The following ROBO2 variants were observed in gnomAD, a reference collection of about 807,000 sequenced individuals.
ROBO2 encodes the protein roundabout guidance receptor 2.
ROBO2 carries 53 observed loss-of-function variants against 160.8 expected under a neutral mutation model. The observed-to-expected ratio is 0.33, with a 90% CI of 0.26 to 0.41. The LOEUF is 0.41. Among genes scored for constraint, ROBO2 ranks in the 10% least tolerant of loss-of-function variants. The pLI is 1.00. For missense variants in ROBO2, 1,577 were observed against 1,722.4 expected (o/e 0.92, Z 1.49); for synonymous variants, 664 against 611.7 (o/e 1.09, Z -1.26).
chr3:76,988,447 T>G (rs1232595905), intron 2 of ROBO2, among the ~76,000 whole-genome samples: 1 of 152,032 alleles, frequency 6.6e-6, no homozygotes, highest in African/African-American at 2.4e-5. Context: ...ATTGTGGGAG[T>G]TTGGGCTGTA....
intron 2 of ROBO2, among the ~76,000 whole-genome samples, chr3:76,927,077 G>A (rs1197645848): frequency 6.6e-6 from 1 of 152,142 alleles, no homozygotes; most frequent in Admixed American, 6.5e-5. Context: ...CAGTATTTAA[G>A]AGGGAATTGC....
At chr3:76,838,733 A>C (rs1284249697) in intron 2 of ROBO2, among the ~76,000 whole-genome samples, 2 of 152,116 alleles carry the variant, frequency 1.3e-5, no homozygotes, top group Non-Finnish European at 2.9e-5. Context: ...ATTCATTGTA[A>C]GGGCTCCGAA....
intron 2 of ROBO2, among the ~76,000 whole-genome samples, chr3:76,567,654 C>CACACAT (rs2084647591): frequency 9.6e-5 from 4 of 41,636 alleles, no homozygotes; most frequent in African/African-American, 3.3e-4. Context: ...TATATATATA[C>CACACAT]ACATACACAT....
chr3:76,153,240 A>G (rs1014546217), intron 2 of ROBO2, among the ~76,000 whole-genome samples: 67 of 152,298 alleles, frequency 4.4e-4, no homozygotes, highest in Non-Finnish European at 8.1e-4. Flanking sequence ...AGCAAGCTGC[A>G]TCCCAGAGAG....
chr3:75,934,692 T>G (rs539356963), intron 1 of ROBO2, among the ~76,000 whole-genome samples: 1 of 152,180 alleles, frequency 6.6e-6, no homozygotes. Context: ...TACATTTTTT[T>G]AAATTATAAT....
chr3:76,637,642 C>T (rs2090414586), intron 2 of ROBO2, among the ~76,000 whole-genome samples: 1 of 152,118 alleles, frequency 6.6e-6, no homozygotes, highest in Non-Finnish European at 1.5e-5. Flanking sequence ...GGCACATACA[C>T]TGTTTTATAT....
intron 2 of ROBO2, among the ~76,000 whole-genome samples, chr3:77,115,446 A>G (rs555510151): frequency 2.6e-5 from 4 of 152,304 alleles, no homozygotes; most frequent in Admixed American, 2.6e-4. Flanking sequence ...ATATTTTATA[A>G]CACCTCTGTA....
intron 2 of ROBO2, among the ~76,000 whole-genome samples, chr3:77,124,095 G>GCC (rs2075085777): frequency 6.6e-6 from 1 of 151,814 alleles, no homozygotes; most frequent in Admixed American, 6.6e-5. Context: ...AAATCCCAGT[G>GCC]CCCAGTGTCT....
At chr3:77,115,565 C>G (rs1389548099) in intron 2 of ROBO2, among the ~76,000 whole-genome samples, 1 of 152,098 alleles carries the variant, frequency 6.6e-6, no homozygotes, top group Non-Finnish European at 1.5e-5. Context: ...AACCAAGTAA[C>G]AAATACAATA....
In ROBO2 at chr3:77,500,942, G is replaced by A. The variant is rs891817892; in HGVS notation, c.806+7560G>A. On this transcript the variant is annotated intron_variant, in intron 5 of 25. Coordinates refer to ENST00000461745, the Ensembl canonical transcript of ROBO2. Reference sequence around the variant, plus strand: ...CACATGGAATATGAAATGCCTTGAAGTCAGAGATGCTCTGCTGTCTGTTAA... The same window carrying A: ...CACATGGAATATGAAATGCCTTGAAATCAGAGATGCTCTGCTGTCTGTTAA... Among the ~76,000 whole-genome samples the A allele has an allele frequency of 3.3e-5, 5 of 152,326 alleles. 1 individual carries two copies. In the South Asian group the frequency reaches 1.0e-3, roughly 32 times the overall value.
intron 2 of ROBO2, among the ~76,000 whole-genome samples, chr3:77,438,117 A>G (rs967576326): frequency 1.3e-5 from 2 of 151,922 alleles, no homozygotes; most frequent in Non-Finnish European, 2.9e-5. Context: ...CAACCTACAC[A>G]GCCTTGATTG....
At chr3:76,036,696 A>G (rs990906773) in intron 2 of ROBO2, among the ~76,000 whole-genome samples, 1 of 136,792 alleles carries the variant, frequency 7.3e-6, no homozygotes, top group Admixed American at 7.4e-5. Context: ...TAGAGACGGG[A>G]TTTCTCCATG....
chr3:77,549,160 T>A (rs1405058111), intron 7 of ROBO2, among the ~76,000 whole-genome samples: 1 of 151,906 alleles, frequency 6.6e-6, no homozygotes, highest in Non-Finnish European at 1.5e-5. Context: ...AGAAAAATGA[T>A]GGGTTAACCT....
chr3:77,286,716 T>C (rs947273672), intron 2 of ROBO2, among the ~76,000 whole-genome samples: 2 of 152,252 alleles, frequency 1.3e-5, no homozygotes, highest in Admixed American at 1.3e-4. Flanking sequence ...TTCTGCTTTC[T>C]TCATGAGGCT....
upstream of ROBO2, among the ~76,000 whole-genome samples, chr3:77,035,157 G>A (rs2063552746): frequency 6.6e-6 from 1 of 151,798 alleles, no homozygotes; most frequent in Non-Finnish European, 1.5e-5. Context: ...CATCTTTGCT[G>A]CCAAAGAACT....
chr3:76,747,622 T>G (rs2093915017), intron 2 of ROBO2, among the ~76,000 whole-genome samples: 1 of 151,954 alleles, frequency 6.6e-6, no homozygotes, highest in Non-Finnish European at 1.5e-5. Flanking sequence ...AATTTTAAAT[T>G]TAAAAATCAC....
chr3:76,064,089 A>G (rs1576698679), intron 2 of ROBO2, among the ~76,000 whole-genome samples: 1 of 152,196 alleles, frequency 6.6e-6, no homozygotes, highest in Admixed American at 6.5e-5. Context: ...ATCAATCAGC[A>G]TGAGACTGGA....
At chr3:77,362,263 A>G (rs2070134807) in intron 2 of ROBO2, among the ~76,000 whole-genome samples, 1 of 152,134 alleles carries the variant, frequency 6.6e-6, no homozygotes, top group African/African-American at 2.4e-5. Flanking sequence ...AATGGGGGAG[A>G]GAAATTGAAC....
intron 2 of ROBO2, among the ~76,000 whole-genome samples, chr3:77,395,593 T>G (rs555557623): frequency 6.6e-6 from 1 of 152,304 alleles, no homozygotes; most frequent in South Asian, 2.1e-4. Context: ...ATTGCTATCA[T>G]AATTAGTCAA....
Sources: gnomAD v4.1 joint callset for allele counts (sites outside exome capture counted in the v4.1 genomes callset) on GRCh38, gnomAD v4.1.1 for gene constraint, MANE v1.5 for transcripts, NCBI Gene and HGNC (gene_info 2026-07-23, HGNC 2026-07-21) for gene names.